GRM8: variants seen among roughly 807,000 people sequenced by gnomAD.
GRM8 encodes glutamate metabotropic receptor 8.
In GRM8, 47 loss-of-function variants were observed where a neutral mutation model predicts 87.2. That is an observed-to-expected ratio of 0.54 (90% CI 0.43 to 0.69). GRM8 has a LOEUF of 0.69. Among genes scored for constraint, GRM8 ranks in the 30% least tolerant of loss-of-function variants. The pLI is 0.00. For missense variants in GRM8, 1,019 were observed against 1,139.2 expected, an observed-to-expected ratio of 0.89 and a Z score of 1.52; for synonymous variants, 396 against 404.5, an observed-to-expected ratio of 0.98 and a Z score of 0.25.
At chr7:126,621,903 T>C (rs12538744) in intron 7 of GRM8, among the ~76,000 whole-genome samples, 48,490 of 151,798 alleles carry the variant, frequency 0.32, 8,345 homozygotes, top group East Asian at 0.43. Context: ...TTAATCACCC[T>C]GTTTTGTCAC....
chr7:127,068,874 G>A (rs1436511924), intron 3 of GRM8, among the ~76,000 whole-genome samples: 2 of 152,126 alleles, frequency 1.3e-5, no homozygotes, highest in African/African-American at 2.4e-5. Flanking sequence ...CCAGTCAGCT[G>A]TTTTTCTTTC....
chr7:126,602,686 T>C (rs569378172), intron 8 of GRM8, among the ~76,000 whole-genome samples: 1 of 151,156 alleles, frequency 6.6e-6, no homozygotes, highest in Non-Finnish European at 1.5e-5. Context: ...TTTTATTCTC[T>C]TTGAAGCAAT....
At chr7:126,946,619 A>C (rs912253307) in intron 3 of GRM8, among the ~76,000 whole-genome samples, 1 of 152,202 alleles carries the variant, frequency 6.6e-6, no homozygotes, top group East Asian at 1.9e-4. Context: ...AGCCAAAGCT[A>C]TTCTATACCA....
chr7:126,466,820 A>T (rs1804555830), intron 9 of GRM8, among the ~76,000 whole-genome samples: 1 of 151,844 alleles, frequency 6.6e-6, no homozygotes, highest in African/African-American at 2.4e-5. Context: ...TACCTATTCA[A>T]ATGCTAATCT....
chr7:126,870,967 G>C (rs890612937), intron 6 of GRM8, among the ~76,000 whole-genome samples: 1 of 152,168 alleles, frequency 6.6e-6, no homozygotes, highest in Non-Finnish European at 1.5e-5. Context: ...CATTTTTTGA[G>C]AGGAAAACTT....
intron 7 of GRM8, among the ~76,000 whole-genome samples, chr7:126,613,676 C>T (rs1243209100): frequency 6.6e-6 from 1 of 152,214 alleles, no homozygotes; most frequent in African/African-American, 2.4e-5. Context: ...GTCACTCCCA[C>T]CTTAATACTG....
intron 3 of GRM8, among the ~76,000 whole-genome samples, chr7:127,005,347 G>A (rs1454211047): frequency 6.6e-6 from 1 of 151,348 alleles, no homozygotes; most frequent in Non-Finnish European, 1.5e-5. Flanking sequence ...TTTTCTACCA[G>A]GTCTCTGGTA....
intron 8 of GRM8, among the ~76,000 whole-genome samples, chr7:126,588,544 C>T (rs1347252591): frequency 2.0e-5 from 3 of 152,142 alleles, no homozygotes; most frequent in African/African-American, 4.8e-5. Flanking sequence ...AAAGACGTGA[C>T]ATCAACCCAG....
chr7:126,741,875 A>G (rs1815046500), intron 7 of GRM8, among the ~76,000 whole-genome samples: 1 of 152,126 alleles, frequency 6.6e-6, no homozygotes, highest in African/African-American at 2.4e-5. Flanking sequence ...TGTCTGTAAA[A>G]TGGGGATCCC....
chr7:126,507,757 T>C (rs1335015334), intron 9 of GRM8, among the ~76,000 whole-genome samples: 1 of 151,980 alleles, frequency 6.6e-6, no homozygotes, highest in African/African-American at 2.4e-5. Flanking sequence ...TTATTAACAA[T>C]TCCTTCTTTT....
At chr7:126,927,753 T>C (rs1041707717) in intron 3 of GRM8, among the ~76,000 whole-genome samples, 1 of 152,164 alleles carries the variant, frequency 6.6e-6, no homozygotes, top group African/African-American at 2.4e-5. Context: ...ATAGGAACAC[T>C]TTTACACTGT....
At chr7:126,874,578 C>T (rs7795592) in intron 6 of GRM8, among the ~76,000 whole-genome samples, 2,702 of 152,138 alleles carry the variant, frequency 0.018, 77 homozygotes, top group African/African-American at 0.061. Flanking sequence ...ATCCTCAACA[C>T]GACCCTGTAA....
intron 3 of GRM8, among the ~76,000 whole-genome samples, chr7:127,031,867 C>G (rs1817405624): frequency 6.6e-6 from 1 of 152,196 alleles, no homozygotes; most frequent in African/African-American, 2.4e-5. Context: ...AGGGCCAAAT[C>G]TTCACATTCT....
chr7:126,456,229 A>C (rs1369092336), intron 9 of GRM8, among the ~76,000 whole-genome samples: 1 of 151,504 alleles, frequency 6.6e-6, no homozygotes, highest in Non-Finnish European at 1.5e-5. Context: ...CAGGGGACCA[A>C]GATCCTAGTA....
chr7:126,805,449 T>C (rs1792578491), intron 6 of GRM8, among the ~76,000 whole-genome samples: 2 of 152,236 alleles, frequency 1.3e-5, no homozygotes, highest in South Asian at 4.1e-4. Context: ...AAGCTGTGTG[T>C]GAATACCTCC....
intron 3 of GRM8, among the ~76,000 whole-genome samples, chr7:126,997,488 A>C (rs900181967): frequency 1.3e-5 from 2 of 151,382 alleles, no homozygotes; most frequent in African/African-American, 4.8e-5. Flanking sequence ...GATAAACAAA[A>C]CCAGAAGTTT....
intron 7 of GRM8, among the ~76,000 whole-genome samples, chr7:126,641,015 A>G (rs1008199803): frequency 6.6e-6 from 1 of 152,162 alleles, no homozygotes; most frequent in African/African-American, 2.4e-5. Context: ...CACTTTTTAA[A>G]GAAAATTGGT....
chr7:126,694,461 T>C (rs988515512), intron 7 of GRM8, among the ~76,000 whole-genome samples: 1 of 152,232 alleles, frequency 6.6e-6, no homozygotes, highest in African/African-American at 2.4e-5. Flanking sequence ...CTTTCCAATG[T>C]TGGAAGACAC....
intron 3 of GRM8, among the ~76,000 whole-genome samples, chr7:127,045,009 T>G (rs1170175484): frequency 6.6e-6 from 1 of 152,198 alleles, no homozygotes; most frequent in African/African-American, 2.4e-5. Context: ...CTGTTTCTCC[T>G]CAGAAACAGC....
Sources: gnomAD v4.1 joint callset for allele counts (sites outside exome capture counted in the v4.1 genomes callset) on GRCh38, gnomAD v4.1.1 for gene constraint, MANE v1.5 for transcripts, NCBI Gene and HGNC (gene_info 2026-07-23, HGNC 2026-07-21) for gene names.